CYP4F3: variants seen among roughly 807,000 people sequenced by gnomAD.
CYP4F3 encodes the protein cytochrome P450 family 4 subfamily F member 3.
Under a neutral mutation model 54.8 loss-of-function variants are expected in CYP4F3, and 50 were observed. The ratio of observed to expected loss-of-function variants is 0.91; its 90% confidence interval spans 0.73 to 1.16. The LOEUF is 1.16. CYP4F3 is among the 50% of genes most tolerant of loss of function. The probability of loss-of-function intolerance (pLI) is 0.00; values close to 1 mark genes in which losing one functional copy is unlikely to be tolerated. For missense variants in CYP4F3, 715 were observed against 676.2 expected, an observed-to-expected ratio of 1.06 and a Z score of -0.64; for synonymous variants, 244 against 262.6, an observed-to-expected ratio of 0.93 and a Z score of 0.69.
chr19:15,646,830 G>A (rs192970238), intron 3 of CYP4F3, among the ~76,000 whole-genome samples: 9 of 152,274 alleles, frequency 5.9e-5, no homozygotes, highest in East Asian at 3.9e-4. Context: ...TAGCTCCTAC[G>A]TGCCATGTTA....
chr19:15,646,669 T>A (rs1054913495), intron 3 of CYP4F3, among the ~76,000 whole-genome samples: 2 of 152,196 alleles, frequency 1.3e-5, no homozygotes, highest in Non-Finnish European at 2.9e-5. Flanking sequence ...TGTCAGAAGA[T>A]GCCATGTGAG....
chr19:15,650,712 CTTTCTTTCT>C (rs1257716348), intron 7 of CYP4F3, among the ~76,000 whole-genome samples: 2 of 39,106 alleles, frequency 5.1e-5, no homozygotes, highest in African/African-American at 2.1e-4. Flanking sequence ...TTCTTTCTTT[CTTTCTTTCT>C]TTCTTTCTTT....
Position 15,644,000 on chromosome 19 carries a change from G to A in CYP4F3, c.199-1719G>A, listed in dbSNP as rs762126978. On this transcript the variant is annotated intron_variant, in intron 2 of 12. Coordinates refer to ENST00000221307, the MANE Select transcript of CYP4F3 (RefSeq NM_000896.3). ...GGTCTGGATGGGCCCCATCTTCCCC[G>A]TCATCCGTTTTTGCCACCCCAACAT... The A allele has an allele frequency of 5.2e-5, 84 of 1,604,466 alleles. 1 individual carries two copies. In the East Asian group the frequency reaches 1.3e-3, roughly 25 times the overall value.
intron 9 of CYP4F3, among the ~76,000 whole-genome samples, chr19:15,656,571 T>C (rs1362068297): frequency 6.6e-6 from 1 of 150,930 alleles, no homozygotes; most frequent in African/African-American, 2.4e-5. Context: ...CTATCATCTA[T>C]CAATGTATCT....
chr19:15,652,693 G>A lies in CYP4F3; in HGVS notation c.985+58G>A, dbSNP rs1599902027. ...CTTGGATATCTCCATTCCAGGAACAGGGTGGGTGGACCCCTCGCACTTCCC... is the reference window on the plus strand; with the variant it reads ...CTTGGATATCTCCATTCCAGGAACAAGGTGGGTGGACCCCTCGCACTTCCC... On this transcript the variant is annotated intron_variant, in intron 8 of 12. Coordinates refer to ENST00000221307, the MANE Select transcript of CYP4F3 (RefSeq NM_000896.3). 10 of 1,613,186 alleles carry A rather than the reference G, an allele frequency of 6.2e-6. No individual in the cohort carries two copies. The East Asian group carries it at 1.8e-4, about 29-fold the overall frequency.
chr19:15,658,836 G>A (rs1322252283), intron 12 of CYP4F3, 27 bp downstream of exon 12: 5 of 1,612,784 alleles, frequency 3.1e-6, no homozygotes, highest in African/African-American at 2.7e-5. Context: ...TTTGAGGCGG[G>A]GACGGGGAGA....
rs762970060 is a variant in CYP4F3 at position 15,650,050 on chromosome 19, T to A, written c.785T>A (p.Leu262Gln). The change falls in exon 7 of 13, where the codon CTG (leucine) becomes CAG (glutamine). Residue 262 changes from leucine (L) to glutamine (Q), a missense_variant. Transcript: ENST00000221307. Reference protein sequence around the residue: ...DGQRFRRACRLVHDFTDAVIQ... With the variant: ...DGQRFRRACRQVHDFTDAVIQ... ...CAGCGTTTCCGCAGGGCCTGCCGCC[T>A]GGTGCACGACTTCACAGATGCCGTC... The A allele has an allele frequency of 1.2e-6, 2 of 1,614,058 alleles. No individual in the cohort carries two copies. Among genetic ancestry groups the A allele is most frequent in the Non-Finnish European group, 1.7e-6 (2 of 1,180,026 alleles).
chr19:15,645,211 A>G (rs1425269723), intron 2 of CYP4F3, among the ~76,000 whole-genome samples: 1 of 152,164 alleles, frequency 6.6e-6, no homozygotes, highest in East Asian at 1.9e-4. Context: ...TTCCCAGAAA[A>G]GGCCCATGAT....
At chr19:15,648,180 A>T (rs1487054681) in intron 5 of CYP4F3, among the ~76,000 whole-genome samples, 2 of 152,080 alleles carry the variant, frequency 1.3e-5, no homozygotes, top group African/African-American at 4.8e-5. Context: ...TGTTTCATAA[A>T]TTATTCTGGA....
Position 15,645,725 on chromosome 19 carries a change from A to T in CYP4F3, c.205A>T (p.Ser69Cys). The T allele has an allele frequency of 1.2e-6, 2 of 1,606,682 alleles. No individual in the cohort carries two copies. The highest frequency in any genetic ancestry group is 4.5e-5 in the East Asian group (2 of 44,774). ...CCTGTGTCTTTCTCTCCAGATTCAC[A>T]GCTCGGAGGAAGGTCTCCTATACAC... ...WFLGHLGLIH[S>C]SEEGLLYTQS... is the part of the protein sequence containing the mutation. Residue 69 changes from serine to cysteine, a missense_variant, in exon 3 of 13, where the codon AGC (serine) becomes TGC (cysteine). Transcript: ENST00000221307.
In CYP4F3 at chr19:15,652,616, T is replaced by C. The variant is rs1304187028; in HGVS notation, c.966T>C (p.Ala322=). ...KLSDEDIRAE[A]DTFMFEGHDT... ...CCGATGAGGACATAAGAGCAGAAGC[T>C]GACACCTTTATGTTTGAGGGTGAGG... The change falls in exon 8 of 13, where the codon GCT becomes GCC. Residue 322 remains alanine (A), a synonymous_variant. Coordinates refer to ENST00000221307, the MANE Select transcript of CYP4F3 (RefSeq NM_000896.3). 6 of 1,614,134 alleles carry C rather than the reference T, an allele frequency of 3.7e-6. No homozygotes were observed. The highest frequency in any genetic ancestry group is 8.5e-7 in the Non-Finnish European group (1 of 1,180,016).
At chr19:15,643,177 GTAGA>G (rs1269224648) in intron 2 of CYP4F3, among the ~76,000 whole-genome samples, 1 of 150,848 alleles carries the variant, frequency 6.6e-6, no homozygotes, top group African/African-American at 2.4e-5. Context: ...AGATAGGTAG[GTAGA>G]TAGATAATAG....
At position 15,662,479 on chromosome 19, in the gene CYP4F3, G is replaced by C. The variant is rs1973203477; in HGVS notation, c.*3094G>C. On this transcript the variant is annotated 3_prime_UTR_variant, in exon 13 of 13. Transcript: ENST00000221307. ...TAGTATATCTTTAAAGGAGTAATGG[G>C]AATCCTTCAACTACATTTTTTCCCC... 7.7e-6 allele frequency: 1 copy of C among 130,434 alleles called. No individual in the cohort carries two copies. The highest frequency in any genetic ancestry group is 2.5e-4 in the South Asian group (1 of 3,988). 8.1% of individuals were successfully genotyped at this position (130,434 alleles called of 1,614,324 possible).
intron 11 of CYP4F3, 63 bp from the exon 12 acceptor site, chr19:15,658,664 G>T: frequency 6.2e-7 from 1 of 1,610,016 alleles, no homozygotes; most frequent in South Asian, 1.1e-5. Context: ...ACACACCACT[G>T]TCTCTCCAAG....
At chr19:15,652,728 C>A (rs756287959) in intron 8 of CYP4F3, 93 bp downstream of exon 8, 1 of 1,606,508 alleles carries the variant, frequency 6.2e-7, no homozygotes, top group Non-Finnish European at 8.5e-7. Flanking sequence ...CATCCCCCTT[C>A]CCCCATCCTC....
At chr19:15,649,776 A>C in intron 6 of CYP4F3, 137 bp from the exon 7 acceptor site, 3 of 1,254,606 alleles carry the variant, frequency 2.4e-6, no homozygotes, top group East Asian at 2.3e-5. Flanking sequence ...GCTGATCCCC[A>C]TCCTGCATCT....
chr19:15,641,658 A>T (rs770967833), intron 2 of CYP4F3, 45 bp downstream of exon 2: 3 of 1,582,906 alleles, frequency 1.9e-6, no homozygotes, highest in Non-Finnish European at 2.6e-6. Context: ...GGGTGGATGG[A>T]CTTCCTGAGG....
rs1972887507 is a variant in CYP4F3 at position 15,652,560 on chromosome 19, T to C, written c.919-9T>C. 3 of 1,613,700 alleles carry C rather than the reference T, an allele frequency of 1.9e-6. No individual in the cohort carries two copies. The highest frequency in any genetic ancestry group is 2.5e-6 in the Non-Finnish European group (3 of 1,179,918). On this transcript the variant is annotated splice_polypyrimidine_tract_variant and intron_variant, in intron 7 of 12. Transcript: ENST00000221307. The stretch of plus-strand genomic sequence containing the variant: ...GGGTGGGGGTGGGGGGTTATTGCCT[T>C]CTCTCCAGGATGAAGATGGGAAGAA...
chr19:15,641,233 G>T, intron 1 of CYP4F3, 182 bp from the exon 2 acceptor site: 1 of 686,588 alleles, frequency 1.5e-6, no homozygotes, highest in South Asian at 2.0e-5. Flanking sequence ...AGGCCACTTG[G>T]TTGCTGGTTT....
Sources: allele counts gnomAD v4.1 joint callset (sites outside exome capture counted in the v4.1 genomes callset), GRCh38; gene constraint gnomAD v4.1.1; transcripts MANE v1.5; gene names NCBI Gene and HGNC (gene_info 2026-07-23, HGNC 2026-07-21).